Variants in ARMC2 observed in about 807,000 individuals in gnomAD.
ARMC2 encodes armadillo repeat-containing protein 2.
A neutral mutation model predicts 90.3 loss-of-function variants in ARMC2; 67 were observed. The observed-to-expected ratio is 0.74, with a 90% CI of 0.61 to 0.91. The LOEUF (loss-of-function observed/expected upper bound fraction) is 0.91, where lower values mean the gene tolerates loss of function less well. Among genes scored for constraint, ARMC2 ranks in the 40% least tolerant of loss-of-function variants. The pLI is 0.00. For missense variants in ARMC2, 920 were observed against 1,030.9 expected (o/e 0.89, Z 1.47); for synonymous variants, 393 against 393.0 (o/e 1.00, Z 0.00).
At chr6:109,047,505 G>A in the ARMC2 span, among the ~76,000 whole-genome samples, 7 of 128,314 alleles carry the variant, frequency 5.5e-5, no homozygotes, top group East Asian at 1.2e-3. Flanking sequence ...CAGCCGCCCC[G>A]TCCGGGAGGT....
chr6:108,901,747 CTT>C lies in ARMC2; in HGVS notation c.847+1956_847+1957del, dbSNP rs1772182751. ...TATTTCTTAGAAACAAAAACATTCT[CTT>C]ATATATCTGGAAATTACCATACAAT... On this transcript the variant is annotated intron_variant, in intron 7 of 17. Coordinates refer to ENST00000392644, the MANE Select transcript of ARMC2 (RefSeq NM_032131.6). Among the ~76,000 whole-genome samples, 9 of 152,264 alleles carry C rather than the reference CTT, an allele frequency of 5.9e-5. No individual in the cohort carries two copies. In the South Asian group the frequency reaches 1.9e-3, roughly 32 times the overall value.
At chr6:108,981,253 C>T in the ARMC2 span, among the ~76,000 whole-genome samples, 1 of 152,130 alleles carries the variant, frequency 6.6e-6, no homozygotes, top group Admixed American at 6.6e-5. Flanking sequence ...CTATTCTCTT[C>T]CATACTTAGC....
the ARMC2 span, among the ~76,000 whole-genome samples, chr6:109,012,612 A>G: frequency 6.6e-6 from 1 of 152,168 alleles, no homozygotes; most frequent in African/African-American, 2.4e-5. Flanking sequence ...AAGACACCTG[A>G]GCTACAGCTT....
chr6:108,951,044 A>G (rs1349130305), intron 12 of ARMC2, among the ~76,000 whole-genome samples: 2 of 152,176 alleles, frequency 1.3e-5, no homozygotes, highest in Non-Finnish European at 2.9e-5. Flanking sequence ...TGCTCAGTAC[A>G]ATTTGTGCTT....
intron 10 of ARMC2, chr6:108,923,188 C>G (rs1774758535): frequency 6.6e-6 from 1 of 151,888 alleles, no homozygotes; most frequent in Non-Finnish European, 1.5e-5. Flanking sequence ...CCTTTAGAGA[C>G]TAAACAAGAC....
At chr6:108,984,627 C>A in the ARMC2 span, among the ~76,000 whole-genome samples, 47 of 152,298 alleles carry the variant, frequency 3.1e-4, no homozygotes, top group African/African-American at 1.1e-3. Flanking sequence ...CATCACATAT[C>A]CCCTTGGTTA....
chr6:109,013,670 G>A, the ARMC2 span, among the ~76,000 whole-genome samples: 7 of 152,194 alleles, frequency 4.6e-5, no homozygotes, highest in Non-Finnish European at 1.0e-4. Context: ...ACTTAATGCA[G>A]TAATTGGTTA....
chr6:108,925,992 T>G (rs1746665823), intron 10 of ARMC2, among the ~76,000 whole-genome samples: 1 of 151,992 alleles, frequency 6.6e-6, no homozygotes, highest in Admixed American at 6.6e-5. Context: ...GCTAATGAGG[T>G]GAGAATAAGG....
the ARMC2 span, chr6:109,009,377 C>T: frequency 6.1e-6 from 9 of 1,467,796 alleles, no homozygotes; most frequent in South Asian, 3.9e-5. Flanking sequence ...GGTCGCGGCC[C>T]CCGCCGCACT....
At chr6:108,917,029 A>G (rs1774034224) in intron 10 of ARMC2, among the ~76,000 whole-genome samples, 1 of 152,212 alleles carries the variant, frequency 6.6e-6, no homozygotes, top group South Asian at 2.1e-4. Flanking sequence ...TAGGTGTACA[A>G]TGTAACTATT....
At chr6:108,872,287 A>G (rs1776495295) in intron 4 of ARMC2, among the ~76,000 whole-genome samples, 5 of 152,184 alleles carry the variant, frequency 3.3e-5, no homozygotes. Flanking sequence ...TTGCGTTCAC[A>G]CAGGGTTTTT....
chr6:108,964,978 A>G lies in ARMC2; in HGVS notation c.2286-2A>G. The G allele has an allele frequency of 1.3e-6, 2 of 1,589,018 alleles. No homozygotes were observed. The highest frequency in any genetic ancestry group is 1.7e-6 in the Non-Finnish European group (2 of 1,161,000). The stretch of plus-strand genomic sequence containing the variant: ...TTCTCAATTTGAATTTTATTAACTC[A>G]GGTTAGTGGACTGTTTAAGAGATTT... On this transcript the variant is annotated splice_acceptor_variant, in intron 16 of 17. Coordinates refer to ENST00000392644, the MANE Select transcript of ARMC2 (RefSeq NM_032131.6). LOFTEE classifies it high-confidence loss of function.
the ARMC2 span, chr6:108,987,566 G>A: frequency 6.3e-7 from 1 of 1,598,570 alleles, no homozygotes; most frequent in Non-Finnish European, 8.6e-7. Context: ...GCGGGTAATG[G>A]CTCTCAGAGC....
At chr6:108,940,015 A>AT (rs1776303668) in intron 12 of ARMC2, among the ~76,000 whole-genome samples, 2 of 152,204 alleles carry the variant, frequency 1.3e-5, no homozygotes, top group Admixed American at 6.5e-5. Context: ...TCTTCTTTGT[A>AT]GATTTTCTCT....
the ARMC2 span, among the ~76,000 whole-genome samples, chr6:109,023,838 AAAT>A: frequency 0.1 from 15,192 of 152,248 alleles, 916 homozygotes; most frequent in Middle Eastern, 0.19. Flanking sequence ...TTACATTGTC[AAAT>A]AATCATTATT....
intron 12 of ARMC2, among the ~76,000 whole-genome samples, chr6:108,943,789 G>A (rs549058956): frequency 6.2e-4 from 94 of 152,182 alleles, no homozygotes; most frequent in Middle Eastern, 3.4e-3. Flanking sequence ...AGCTGAGATC[G>A]AGCCACTGCA....
the ARMC2 span, chr6:109,002,382 T>A: frequency 6.5e-7 from 1 of 1,540,010 alleles, no homozygotes; most frequent in Non-Finnish European, 9.0e-7. Flanking sequence ...CCTTTGGCAG[T>A]AAACAAAATG....
chr6:108,973,540 G>A lies in ARMC2; in HGVS notation c.*26G>A, dbSNP rs765633720. 31 of 1,575,000 alleles carry A rather than the reference G, an allele frequency of 2.0e-5. No individual in the cohort carries two copies. The African/African-American group carries it at 2.2e-4, about 11-fold the overall frequency. On this transcript the variant is annotated 3_prime_UTR_variant, in exon 18 of 18. Transcript: ENST00000392644. ...CATGATGCAGATTAACAGTAGAAACGAGAACTCACGTCTCCCTCATTCTTA... is the reference window on the plus strand; with the variant it reads ...CATGATGCAGATTAACAGTAGAAACAAGAACTCACGTCTCCCTCATTCTTA...
At chr6:108,878,744 A>G (rs1330790912) in intron 5 of ARMC2, among the ~76,000 whole-genome samples, 1 of 152,222 alleles carries the variant, frequency 6.6e-6, no homozygotes, top group Non-Finnish European at 1.5e-5. Flanking sequence ...CAGTTATGAT[A>G]GTCTCCATAT....
Sources: allele counts gnomAD v4.1 joint callset (sites outside exome capture counted in the v4.1 genomes callset), GRCh38; gene constraint gnomAD v4.1.1; transcripts MANE v1.5; gene names NCBI Gene and HGNC (gene_info 2026-07-23, HGNC 2026-07-21).